The following INTS9 variants were observed in gnomAD, a reference collection of about 807,000 sequenced individuals.
INTS9 encodes integrator complex subunit 9.
Under a neutral mutation model 79.7 loss-of-function variants are expected in INTS9, and 55 were observed. The observed-to-expected ratio is 0.69, with a 90% CI of 0.56 to 0.86. INTS9 has a LOEUF of 0.86. Ranked by LOEUF, INTS9 falls within the 40% of genes least tolerant of loss-of-function variation. The pLI is 0.00. For missense variants in INTS9, 721 were observed against 831.5 expected (o/e 0.87, Z 1.64); for synonymous variants, 319 against 325.2 (o/e 0.98, Z 0.20).
At chr8:28,879,227 C>A (rs531060812) in intron 1 of INTS9, among the ~76,000 whole-genome samples, 104 of 152,236 alleles carry the variant, frequency 6.8e-4, no homozygotes, top group South Asian at 1.4e-3. Flanking sequence ...AGATTAAACA[C>A]CATGATCAAG....
chr8:28,824,099 AGG>A (rs1023525920), intron 6 of INTS9, among the ~76,000 whole-genome samples: 17 of 152,190 alleles, frequency 1.1e-4, no homozygotes, highest in African/African-American at 3.6e-4. Context: ...AAGTCACATA[AGG>A]GGAATGACAC....
chr8:28,889,892 T>C lies in INTS9; in HGVS notation c.-10A>G, dbSNP rs749768162. 1.2e-6 allele frequency: 2 copies of C among 1,613,470 alleles called. No homozygotes were observed. Among genetic ancestry groups the C allele is most frequent in the Non-Finnish European group, 1.7e-6 (2 of 1,179,526 alleles). On this transcript the variant is annotated 5_prime_UTR_variant, in exon 1 of 17. Transcript: ENST00000521022. ...GACTCACCAGTTTCATAATGGACTT[T>C]TGGTGGTTCAATAGCAGTCACTGAA...
At chr8:28,787,782 T>A in intron 11 of INTS9, 47 bp downstream of exon 11, 2 of 1,379,920 alleles carry the variant, frequency 1.4e-6, no homozygotes, top group South Asian at 2.3e-5. Context: ...TGCATCAGGT[T>A]ATCCACATTG....
chr8:28,799,461 A>G (rs1804405081), intron 8 of INTS9: 1 of 152,226 alleles, frequency 6.6e-6, no homozygotes, highest in African/African-American at 2.4e-5. Flanking sequence ...CCATTGTAAG[A>G]TACCTCATGA....
At chr8:28,789,857 G>A (rs530830155) in intron 10 of INTS9, among the ~76,000 whole-genome samples, 2 of 150,346 alleles carry the variant, frequency 1.3e-5, no homozygotes, top group African/African-American at 2.4e-5. Flanking sequence ...CAGCCTGGGC[G>A]ACAGAGTGAG....
intron 1 of INTS9, among the ~76,000 whole-genome samples, chr8:28,885,541 T>C (rs940717499): frequency 1.6e-4 from 24 of 152,260 alleles, no homozygotes; most frequent in African/African-American, 4.8e-4. Flanking sequence ...CTTTGTTGAC[T>C]GAATAAGCCA....
intron 2 of INTS9, 86 bp downstream of exon 2, chr8:28,859,350 A>G: frequency 7.0e-7 from 1 of 1,421,690 alleles, no homozygotes; most frequent in Non-Finnish European, 9.6e-7. Flanking sequence ...ACGACAATAT[A>G]CTAGGTACTA....
chr8:28,846,904 A>G, intron 3 of INTS9, 95 bp from the exon 4 acceptor site: 1 of 922,034 alleles, frequency 1.1e-6, no homozygotes, highest in South Asian at 1.3e-5. Context: ...TTCATGAAGA[A>G]TCATAGACTA....
intron 6 of INTS9, among the ~76,000 whole-genome samples, chr8:28,821,657 G>T (rs1380061630): frequency 2.6e-5 from 4 of 152,146 alleles, no homozygotes; most frequent in African/African-American, 9.7e-5. Context: ...TTGAGTTGCT[G>T]GGAATGTTCT....
intron 1 of INTS9, among the ~76,000 whole-genome samples, chr8:28,865,596 C>T (rs537379826): frequency 1.3e-5 from 2 of 151,866 alleles, no homozygotes; most frequent in East Asian, 1.9e-4. Flanking sequence ...GTACAAGCAA[C>T]GTAGCCTCAA....
chr8:28,866,887 C>A (rs192413874), intron 1 of INTS9, among the ~76,000 whole-genome samples: 14 of 151,838 alleles, frequency 9.2e-5, no homozygotes, highest in African/African-American at 3.4e-4. Context: ...AGGCAGGAGA[C>A]TGGTGTGAAC....
chr8:28,806,184 T>G (rs1444794187), intron 8 of INTS9, among the ~76,000 whole-genome samples: 1 of 152,154 alleles, frequency 6.6e-6, no homozygotes, highest in Non-Finnish European at 1.5e-5. Context: ...GAGTTGAGAT[T>G]GCACCATTGT....
intron 11 of INTS9, among the ~76,000 whole-genome samples, chr8:28,786,266 T>C (rs1803583166): frequency 6.6e-6 from 1 of 152,094 alleles, no homozygotes; most frequent in Non-Finnish European, 1.5e-5. Context: ...ATTTCAGTAC[T>C]ATTACCAAAA....
chr8:28,880,469 C>A (rs12542514), intron 1 of INTS9, among the ~76,000 whole-genome samples: 1 of 152,052 alleles, frequency 6.6e-6, no homozygotes, highest in African/African-American at 2.4e-5. Flanking sequence ...ATGTGTTGGC[C>A]GGGCTGGTCT....
chr8:28,854,263 A>G (rs1230588115), intron 2 of INTS9, among the ~76,000 whole-genome samples: 1 of 152,224 alleles, frequency 6.6e-6, no homozygotes, highest in African/African-American at 2.4e-5. Flanking sequence ...AAAAATATTA[A>G]CAAGCTTAAT....
Position 28,767,855 on chromosome 8 carries a change from C to T in INTS9, c.*291G>A. On this transcript the variant is annotated 3_prime_UTR_variant, in exon 17 of 17. Coordinates refer to ENST00000521022, the MANE Select transcript of INTS9 (RefSeq NM_018250.4). The stretch of plus-strand genomic sequence containing the variant: ...ACAGCCAGCCAGTCACCTCCGCCTC[C>T]CATGAACCTCTTGGAAAACTTCTCC... 2.5e-6 allele frequency: 1 copy of T among 403,630 alleles called. No individual in the cohort carries two copies. The highest frequency in any genetic ancestry group is 4.6e-6 in the Non-Finnish European group (1 of 216,062). 25.0% of individuals were successfully genotyped at this position (403,630 alleles called of 1,614,324 possible).
chr8:28,770,936 C>A (rs1178358955), intron 15 of INTS9, 46 bp downstream of exon 15: 2 of 1,364,510 alleles, frequency 1.5e-6, no homozygotes, highest in Non-Finnish European at 1.0e-6. Flanking sequence ...GGTCTGGTTT[C>A]TTGCTGGGGA....
chr8:28,774,279 C>T (rs1320758013), intron 14 of INTS9, among the ~76,000 whole-genome samples: 1 of 152,134 alleles, frequency 6.6e-6, no homozygotes, highest in Non-Finnish European at 1.5e-5. Flanking sequence ...GTCTTTATCC[C>T]TTAGTTATGT....
intron 5 of INTS9, 125 bp downstream of exon 5, chr8:28,837,512 T>A: frequency 2.9e-5 from 29 of 994,730 alleles, no homozygotes; most frequent in East Asian, 1.4e-4. Context: ...TACTCCTGCC[T>A]GTTCTTTGGG....
Sources: allele counts gnomAD v4.1 joint callset (sites outside exome capture counted in the v4.1 genomes callset), GRCh38; gene constraint gnomAD v4.1.1; transcripts MANE v1.5; gene names NCBI Gene and HGNC (gene_info 2026-07-23, HGNC 2026-07-21).